The following OSBPL2 variants were observed in gnomAD, a reference collection of about 807,000 sequenced individuals.
OSBPL2 encodes the protein oxysterol binding protein like 2.
OSBPL2 carries 18 observed loss-of-function variants against 58.4 expected under a neutral mutation model. The ratio of observed to expected loss-of-function variants is 0.31; its 90% CI spans 0.21 to 0.46. The LOEUF (loss-of-function observed/expected upper bound fraction) is 0.46, where lower values mean the gene tolerates loss of function less well. Ranked by LOEUF, OSBPL2 falls within the 20% of genes least tolerant of loss-of-function variation. OSBPL2 has a pLI of 1.00. For synonymous variants in OSBPL2, 221 were observed against 234.1 expected (o/e 0.94, Z 0.51); for missense variants, 461 against 616.5 (o/e 0.75, Z 2.67).
chr20:62,244,552 G>T (rs867232652), intron 1 of OSBPL2, among the ~76,000 whole-genome samples: 1 of 152,252 alleles, frequency 6.6e-6, no homozygotes, highest in Non-Finnish European at 1.5e-5. Context: ...TAAGGAGAAG[G>T]TTGATTAAAA....
At chr20:62,241,617 G>T (rs1354705926) in intron 1 of OSBPL2, among the ~76,000 whole-genome samples, 2 of 152,242 alleles carry the variant, frequency 1.3e-5, no homozygotes, top group Admixed American at 6.5e-5. Flanking sequence ...AAGGTGGTGC[G>T]CCAGACCAGG....
chr20:62,247,496 C>T (rs755238957), intron 1 of OSBPL2, among the ~76,000 whole-genome samples: 9 of 152,132 alleles, frequency 5.9e-5, no homozygotes, highest in South Asian at 2.1e-4. Context: ...CATGCCTGAC[C>T]GCAGTGTGAT....
intron 7 of OSBPL2, 148 bp from the exon 8 acceptor site, chr20:62,280,910 C>G (rs1391957266): frequency 1.6e-6 from 1 of 644,820 alleles, no homozygotes; most frequent in Non-Finnish European, 2.8e-6. Flanking sequence ...AAATACACAG[C>G]CTCCGTCGCA....
chr20:62,239,752 C>T (rs992297125), intron 1 of OSBPL2, among the ~76,000 whole-genome samples: 2 of 152,232 alleles, frequency 1.3e-5, no homozygotes, highest in African/African-American at 4.8e-5. Context: ...TCCCTGCTGC[C>T]CTTCCTAACT....
chr20:62,261,955 C>T (rs942691507), intron 3 of OSBPL2, among the ~76,000 whole-genome samples: 11 of 152,122 alleles, frequency 7.2e-5, no homozygotes, highest in Non-Finnish European at 1.2e-4. Context: ...GACAGGGTTC[C>T]GCCGTGTTGG....
rs1983267061 is a variant in OSBPL2, at chr20:62,288,386, G to GTGGGTGCAGAGGCTGGGAGGCTA, written c.1126-799_1126-798insATGGGTGCAGAGGCTGGGAGGCT. Among the ~76,000 whole-genome samples the GTGGGTGCAGAGGCTGGGAGGCTA allele has an allele frequency of 6.9e-6, 1 of 145,230 alleles. No individual in the cohort carries two copies. The highest frequency in any genetic ancestry group is 6.8e-5 in the Admixed American group (1 of 14,612). ...CTGAGGGCTGCAGAGGCCGGAGGCT[G>GTGGGTGCAGAGGCTGGGAGGCTA]TGGGTGCAGAGGCTGGGAGGCTGTG... On this transcript the variant is annotated intron_variant, in intron 11 of 13. Transcript: ENST00000313733. The surrounding 1 kb of genome is among the most constrained non-coding windows in gnomAD (Gnocchi z 4.8).
chr20:62,254,383 C>T (rs939270762), intron 1 of OSBPL2, among the ~76,000 whole-genome samples: 6 of 152,266 alleles, frequency 3.9e-5, no homozygotes, highest in South Asian at 2.1e-4. Flanking sequence ...GGAAGCACAT[C>T]GCTGCAGTTG....
chr20:62,281,638 A>G (rs953060678), intron 8 of OSBPL2, 152 bp from the exon 9 acceptor site: 5 of 589,622 alleles, frequency 8.5e-6, no homozygotes, highest in South Asian at 4.2e-5. Context: ...GCCCATTTCA[A>G]ACACTTCCAT....
chr20:62,279,549 GC>G (rs1197927782), intron 7 of OSBPL2: 15 of 570,290 alleles, frequency 2.6e-5, no homozygotes, highest in Non-Finnish European at 4.3e-5. Flanking sequence ...GTTGGAATTC[GC>G]CCCCCTTTCG....
At chr20:62,283,963 G>A in intron 9 of OSBPL2, 83 bp from the exon 10 acceptor site, 1 of 1,358,702 alleles carries the variant, frequency 7.4e-7, no homozygotes, top group African/African-American at 1.5e-5. Context: ...TACCTGAGGG[G>A]AATTTATTCC....
rs1252837996 is a variant in OSBPL2 at position 62,295,259 on chromosome 20, A to AT, written c.*1380dup. 2.0e-5 allele frequency: 3 copies of AT among 151,558 alleles called. No homozygotes were observed. The highest frequency in any genetic ancestry group is 4.4e-5 in the Non-Finnish European group (3 of 67,678). 9.4% of individuals were successfully genotyped at this position (151,558 alleles called of 1,614,324 possible). A position where few individuals can be genotyped will look rare whatever the true frequency, so the allele number is the denominator to read the frequency against. ...GAGCCACTGCGCCTGGCCGTGACTGATTTTTTTTCATGTAGAATTGTCAAC... is the reference window on the plus strand; with the variant it reads ...GAGCCACTGCGCCTGGCCGTGACTGATTTTTTTTTCATGTAGAATTGTCAAC... On this transcript the variant is annotated 3_prime_UTR_variant, in exon 14 of 14. Coordinates refer to ENST00000313733, the MANE Select transcript of OSBPL2 (RefSeq NM_144498.4). The surrounding 1 kb of genome is among the most constrained non-coding windows in gnomAD (Gnocchi z 4.8).
intron 1 of OSBPL2, among the ~76,000 whole-genome samples, chr20:62,247,274 T>A (rs763999828): frequency 1.7e-4 from 26 of 152,212 alleles, no homozygotes; most frequent in Non-Finnish European, 3.2e-4. Flanking sequence ...CCTCTTGGCT[T>A]AGGCACTGAA....
rs1268775731 is a variant in OSBPL2, at chr20:62,256,086, AGAAAGTTTGTAAAAT to A, written c.-98_-84del. On this transcript the variant is annotated 5_prime_UTR_variant, in exon 2 of 14. Transcript: ENST00000313733. ...TCAGTGTCTATTGGATTTTTCCAAG[AGAAAGTTTGTAAAAT>A]TCCTTACACTGTAGATGTGGATCAG... The A allele has an allele frequency of 2.8e-6, 4 of 1,441,278 alleles. No individual in the cohort carries two copies. The highest frequency in any genetic ancestry group is 3.8e-6 in the Non-Finnish European group (4 of 1,054,004). 89.3% of individuals were successfully genotyped at this position (1,441,278 alleles called of 1,614,324 possible).
intron 1 of OSBPL2, among the ~76,000 whole-genome samples, chr20:62,247,422 C>A (rs904158706): frequency 6.6e-6 from 1 of 152,354 alleles, no homozygotes; most frequent in Admixed American, 6.5e-5. Context: ...TGCCCCCACG[C>A]CGCAGCTGCC....
intron 1 of OSBPL2, among the ~76,000 whole-genome samples, chr20:62,246,964 G>A: frequency 6.6e-6 from 1 of 152,188 alleles, no homozygotes. Context: ...ACCTCGCAGT[G>A]TCATGGTGGC....
intron 4 of OSBPL2, 94 bp from the exon 5 acceptor site, chr20:62,272,031 G>T: frequency 6.8e-7 from 1 of 1,469,636 alleles, no homozygotes; most frequent in South Asian, 1.2e-5. Flanking sequence ...CAGAGGCTGC[G>T]GCTCCATGAA....
intron 9 of OSBPL2, 77 bp from the exon 10 acceptor site, chr20:62,283,969 A>T: frequency 7.1e-7 from 1 of 1,412,238 alleles, no homozygotes; most frequent in Admixed American, 2.0e-5. Flanking sequence ...AGGGGAATTT[A>T]TTCCAGGGTG....
chr20:62,265,195 G>C (rs931491222), intron 4 of OSBPL2, among the ~76,000 whole-genome samples: 1 of 152,112 alleles, frequency 6.6e-6, no homozygotes, highest in Admixed American at 6.5e-5. Context: ...AATTGGAATT[G>C]TTCTGTAAAG....
chr20:62,293,936 C>A lies in OSBPL2; in HGVS notation c.*49C>A. The A allele has an allele frequency of 6.3e-7, 1 of 1,595,896 alleles. No individual in the cohort carries two copies. The highest frequency in any genetic ancestry group is 8.5e-7 in the Non-Finnish European group (1 of 1,172,458). ...GGGACCGGAGGCTGACGAGGCTGGA[C>A]TTCCTCGAGTGGCCACTGTGAGCCT... is the stretch of plus-strand genomic sequence containing the variant. On this transcript the variant is annotated 3_prime_UTR_variant, in exon 14 of 14. Coordinates refer to ENST00000313733, the MANE Select transcript of OSBPL2 (RefSeq NM_144498.4).
Sources: gnomAD v4.1 joint callset for allele counts (sites outside exome capture counted in the v4.1 genomes callset) on GRCh38, gnomAD v4.1.1 for gene constraint, Gnocchi (gnomAD v3.1) non-coding constraint, MANE v1.5 for transcripts, NCBI Gene and HGNC (gene_info 2026-07-23, HGNC 2026-07-21) for gene names.